Variants in GSK3B observed in about 807,000 individuals in gnomAD.
The protein encoded by GSK3B is glycogen synthase kinase 3 beta.
GSK3B carries 15 observed loss-of-function variants against 56.4 expected under a neutral mutation model. That is an observed-to-expected ratio of 0.27 (90% confidence interval 0.18 to 0.41). The LOEUF is 0.41. GSK3B is among the 10% of genes least tolerant of loss of function. GSK3B has a pLI of 1.00. For missense variants in GSK3B, 300 were observed against 513.4 expected (o/e 0.58, Z 4.02); for synonymous variants, 181 against 188.9 (o/e 0.96, Z 0.34).
chr3:119,876,762 G>A (rs1039147926), intron 7 of GSK3B, among the ~76,000 whole-genome samples: 4 of 152,082 alleles, frequency 2.6e-5, no homozygotes, highest in Admixed American at 1.3e-4. Context: ...CCTTGTGAAT[G>A]GACTCATGTC....
chr3:119,981,279 C>T (rs1343938813), intron 2 of GSK3B, among the ~76,000 whole-genome samples: 3 of 152,224 alleles, frequency 2.0e-5, no homozygotes, highest in South Asian at 2.1e-4. Flanking sequence ...CCAGCATGAT[C>T]GACGCAGAAG....
intron 7 of GSK3B, among the ~76,000 whole-genome samples, chr3:119,904,930 A>T (rs1184291109): frequency 6.6e-6 from 1 of 151,240 alleles, no homozygotes; most frequent in Admixed American, 6.6e-5. Flanking sequence ...AGAATGAAAC[A>T]ATCTAGTGAT....
intron 7 of GSK3B, among the ~76,000 whole-genome samples, chr3:119,885,232 CT>C (rs1372566962): frequency 1.4e-5 from 2 of 140,416 alleles, no homozygotes; most frequent in Admixed American, 1.4e-4. Context: ...CAACACAATC[CT>C]ATTTACAATA....
At chr3:119,898,067 A>G (rs566435334) in intron 7 of GSK3B, among the ~76,000 whole-genome samples, 1 of 152,300 alleles carries the variant, frequency 6.6e-6, no homozygotes, top group South Asian at 2.1e-4. Flanking sequence ...AATATGTCCA[A>G]TCTACTGAAA....
At chr3:119,877,300 C>T (rs1001751337) in intron 7 of GSK3B, among the ~76,000 whole-genome samples, 4 of 151,886 alleles carry the variant, frequency 2.6e-5, no homozygotes, top group South Asian at 2.1e-4. Context: ...CAGGAGCCCC[C>T]GAGGATACCA....
intron 1 of GSK3B, among the ~76,000 whole-genome samples, chr3:120,005,552 G>A (rs957264861): frequency 6.6e-6 from 1 of 152,202 alleles, no homozygotes; most frequent in Non-Finnish European, 1.5e-5. Flanking sequence ...ACAAAGGGAA[G>A]GCCATCAGAC....
intron 1 of GSK3B, among the ~76,000 whole-genome samples, chr3:120,033,906 C>A (rs1250826577): frequency 6.6e-6 from 1 of 152,200 alleles, no homozygotes; most frequent in African/African-American, 2.4e-5. Context: ...GCCTTTGGAA[C>A]TGTGAGTCAA....
chr3:119,913,984 G>A (rs1240967985), intron 5 of GSK3B, among the ~76,000 whole-genome samples: 2 of 152,034 alleles, frequency 1.3e-5, no homozygotes, highest in South Asian at 4.1e-4. Flanking sequence ...TAACAAGATA[G>A]ATGCTAATTA....
intron 1 of GSK3B, among the ~76,000 whole-genome samples, chr3:120,067,604 T>C (rs2058291216): frequency 6.6e-6 from 1 of 152,174 alleles, no homozygotes; most frequent in Non-Finnish European, 1.5e-5. Flanking sequence ...AAATCATAAG[T>C]TGAACCATCA....
At position 119,830,448 on chromosome 3, in the gene GSK3B, G is replaced by A. The variant is rs190108453; in HGVS notation, c.1196-3593C>T. On this transcript the variant is annotated intron_variant, in intron 10 of 10. Coordinates refer to ENST00000264235, the MANE Select transcript of GSK3B (RefSeq NM_001146156.2). ...ATAAATTGTCATTGGATTTAGTTTA[G>A]TGTAATTTCTGTAACTTTTCTTCTC... Among the ~76,000 whole-genome samples, 248 of 152,200 alleles carry A rather than the reference G, an allele frequency of 1.6e-3. 2 individuals are homozygous for A. Among genetic ancestry groups the A allele is most frequent in the African/African-American group, 5.8e-3 (242 of 41,568 alleles).
chr3:119,916,599 T>C (rs1414084753), intron 4 of GSK3B, among the ~76,000 whole-genome samples: 2 of 152,178 alleles, frequency 1.3e-5, no homozygotes, highest in African/African-American at 2.4e-5. Context: ...TATAGTTCTT[T>C]CTAGTAGAGC....
At position 120,002,177 on chromosome 3, in the gene GSK3B, G is replaced by T; in HGVS notation, c.151C>A (p.Pro51Thr). ...VATPGQGPDR[P>T]QEVSYTDTKV... ...GTGTCTGTATAGCTGACTTCTTGTG[G>T]CCTGTCTGGACCCTGCCCAGGAGTT... The change falls in exon 2 of 11, where the codon CCA (proline) becomes ACA (threonine). Residue 51 changes from proline (P) to threonine (T), a missense_variant. Pro to Thr is a conservative substitution (Grantham distance 38, BLOSUM62 -1). Around this residue, in one of 6 missense-constraint regions of GSK3B, gnomAD observed 53 missense variants for 64.6 expected, o/e 0.82. Coordinates refer to ENST00000264235, the MANE Select transcript of GSK3B (RefSeq NM_001146156.2). 6.2e-7 allele frequency: 1 copy of T among 1,609,932 alleles called. No homozygotes were observed. The highest frequency in any genetic ancestry group is 8.5e-7 in the Non-Finnish European group (1 of 1,178,146).
intron 1 of GSK3B, among the ~76,000 whole-genome samples, chr3:120,010,438 G>A (rs180719075): frequency 1.4e-3 from 206 of 152,178 alleles, no homozygotes; most frequent in Middle Eastern, 6.8e-3. Flanking sequence ...TAAAATCCAA[G>A]GTATTGAATG....
chr3:119,964,075 T>C (rs926415200), intron 2 of GSK3B, among the ~76,000 whole-genome samples: 2 of 152,050 alleles, frequency 1.3e-5, no homozygotes, highest in Non-Finnish European at 2.9e-5. Context: ...AGGCAGCCTA[T>C]GGAATGGAAG....
Position 120,094,054 on chromosome 3 carries a change from C to T in GSK3B, c.-620G>A. On this transcript the variant is annotated 5_prime_UTR_variant, in exon 1 of 11. Coordinates refer to ENST00000264235, the MANE Select transcript of GSK3B (RefSeq NM_001146156.2). Reference sequence around the variant, plus strand: ...AGTCAGAGGCGGGCGGTGGCGGTGGCGGCGGCTCCTCTCCTCATTGCGCCA... The same window carrying T: ...AGTCAGAGGCGGGCGGTGGCGGTGGTGGCGGCTCCTCTCCTCATTGCGCCA... The T allele has an allele frequency of 8.8e-6, 2 of 227,592 alleles. No individual in the cohort carries two copies. Among genetic ancestry groups the T allele is most frequent in the East Asian group, 1.3e-4 (2 of 15,654 alleles). 14.1% of individuals were successfully genotyped at this position (227,592 alleles called of 1,614,324 possible).
chr3:119,919,381 C>T (rs2056813531), intron 4 of GSK3B, among the ~76,000 whole-genome samples: 1 of 152,114 alleles, frequency 6.6e-6, no homozygotes, highest in South Asian at 2.1e-4. Flanking sequence ...TGTAGAATGA[C>T]TACGTGAAGG....
At chr3:119,940,892 G>T (rs778985126) in intron 3 of GSK3B, among the ~76,000 whole-genome samples, 63 of 152,104 alleles carry the variant, frequency 4.1e-4, no homozygotes, top group Non-Finnish European at 7.5e-4. Flanking sequence ...TAGAACCGTT[G>T]TGAAGATTAA....
chr3:120,041,959 C>A (rs1288795616), intron 1 of GSK3B, among the ~76,000 whole-genome samples: 1 of 152,204 alleles, frequency 6.6e-6, no homozygotes, highest in Non-Finnish European at 1.5e-5. Flanking sequence ...ATTCTAAGTA[C>A]ACCTTTGGGG....
intron 1 of GSK3B, among the ~76,000 whole-genome samples, chr3:120,014,975 C>T (rs540665237): frequency 4.6e-5 from 7 of 152,166 alleles, no homozygotes; most frequent in Admixed American, 2.6e-4. Flanking sequence ...TCATAACATC[C>T]CCTTCTTTAA....
Sources: gnomAD v4.1 joint callset for allele counts (sites outside exome capture counted in the v4.1 genomes callset) on GRCh38, gnomAD v4.1.1 for gene constraint, gnomAD v4.1.1 regional missense constraint, MANE v1.5 for transcripts, NCBI Gene and HGNC (gene_info 2026-07-23, HGNC 2026-07-21) for gene names.